The following UIMC1 variants were observed in gnomAD, a reference collection of about 807,000 sequenced individuals.
The protein encoded by UIMC1 is ubiquitin interaction motif containing 1.
In UIMC1, 42 loss-of-function variants were observed where a neutral mutation model predicts 84.9. That is an observed-to-expected ratio of 0.49 (90% CI 0.39 to 0.64). UIMC1 has a LOEUF of 0.64. UIMC1 is among the 30% of genes least tolerant of loss of function. UIMC1 has a pLI of 0.00. For synonymous variants in UIMC1, 281 were observed against 293.0 expected (o/e 0.96, Z 0.42); for missense variants, 825 against 847.6 (o/e 0.97, Z 0.33).
chr5:176,981,435 T>C (rs1416460318), intron 2 of UIMC1, among the ~76,000 whole-genome samples: 1 of 152,102 alleles, frequency 6.6e-6, no homozygotes, highest in Admixed American at 6.6e-5. Flanking sequence ...TGAGCTGCCG[T>C]GCCCGGCCAA....
Position 176,908,663 on chromosome 5 carries a change from C to T in UIMC1, c.1708G>A (p.Val570Ile). ...NEKCYLCKSL[V>I]PFREYQCHVD... is the part of the protein sequence containing the mutation. ...TGACACTGATACTCTCTAAATGGGACCAGGGATTTACAGAGGTAACACTTC... is the reference window on the plus strand; with the variant it reads ...TGACACTGATACTCTCTAAATGGGATCAGGGATTTACAGAGGTAACACTTC... Residue 570 changes from valine (V) to isoleucine (I), a missense_variant, in exon 12 of 15, where the codon GTC (valine) becomes ATC (isoleucine). Coordinates refer to ENST00000511320, the MANE Select transcript of UIMC1 (RefSeq NM_001199298.2). 6.2e-7 allele frequency: 1 copy of T among 1,613,834 alleles called. No homozygotes were observed. The highest frequency in any genetic ancestry group is 8.5e-7 in the Non-Finnish European group (1 of 1,179,854).
chr5:176,905,997 A>G lies in UIMC1; in HGVS notation c.1949+14T>C. On this transcript the variant is annotated intron_variant, in intron 14 of 14. Transcript: ENST00000511320. ...AATGCTGACAGCCACAATTCAGTGCACAATCCAATTCACCTGAAGGCTCCT... is the reference window on the plus strand; with the variant it reads ...AATGCTGACAGCCACAATTCAGTGCGCAATCCAATTCACCTGAAGGCTCCT... 2.5e-6 allele frequency: 4 copies of G among 1,614,118 alleles called. No homozygotes were observed. Among genetic ancestry groups the G allele is most frequent in the Non-Finnish European group, 3.4e-6 (4 of 1,179,960 alleles).
chr5:176,942,810 T>C (rs1764606832), intron 10 of UIMC1, among the ~76,000 whole-genome samples: 1 of 149,494 alleles, frequency 6.7e-6, no homozygotes, highest in Non-Finnish European at 1.5e-5. Context: ...ATCTCAGCAC[T>C]TTGGGAGGCC....
chr5:176,988,136 A>G lies in UIMC1; in HGVS notation c.-8-5513T>C, dbSNP rs562890611. Among the ~76,000 whole-genome samples the G allele has an allele frequency of 5.3e-5, 8 of 151,644 alleles. No homozygotes were observed. The South Asian group carries it at 1.7e-3, about 31-fold the overall frequency. The stretch of plus-strand genomic sequence containing the variant: ...GACAGACTACGCCCCTGTCCAAAAA[A>G]AAAAAAAAAAAAAAACTCAAATCAT... On this transcript the variant is annotated intron_variant, in intron 1 of 14. Transcript: ENST00000511320.
exon 1 of UIMC1, chr5:177,022,568 C>T (rs1006149190): frequency 4.6e-6 from 3 of 647,706 alleles, no homozygotes; most frequent in Admixed American, 3.7e-5. Context: ...ACGGCACACG[C>T]TCTGAGGTAC....
At chr5:176,951,715 TTTCTTC>T (rs1765907353) in intron 8 of UIMC1, 138 bp from the exon 9 acceptor site, 1 of 569,204 alleles carries the variant, frequency 1.8e-6, no homozygotes, top group South Asian at 3.4e-5. Context: ...ATCTAGTTTG[TTTCTTC>T]TTAAAGCTTT....
In UIMC1 at chr5:176,969,225, T is replaced by C. The variant is rs770266578; in HGVS notation, c.530A>G (p.Glu177Gly). 1.2e-6 allele frequency: 2 copies of C among 1,614,106 alleles called. No homozygotes were observed. The highest frequency in any genetic ancestry group is 1.1e-5 in the South Asian group (1 of 91,088). The change falls in exon 6 of 15, where the codon GAG becomes GGG. Residue 177 changes from glutamate (E) to glycine (G), a missense_variant. Transcript: ENST00000511320. ...GTGGTCCCAAGGCTCCTCTCTTTCCTCAGCCTCGTTTCCCTGACTGATATG... is the reference window on the plus strand; with the variant it reads ...GTGGTCCCAAGGCTCCTCTCTTTCCCCAGCCTCGTTTCCCTGACTGATATG... ...GSHISQGNEA[E>G]EREEPWDHTE... is the part of the protein sequence containing the mutation.
rs1365625395 is a variant in UIMC1, at chr5:176,970,552, A to G, written c.357+190T>C. On this transcript the variant is annotated intron_variant, in intron 4 of 14. Coordinates refer to ENST00000511320, the MANE Select transcript of UIMC1 (RefSeq NM_001199298.2). The stretch of plus-strand genomic sequence containing the variant: ...GGTGGAAGAAAACTCTTTCATATAG[A>G]ATTAACAAAATACTTTAAATTGGGT... 6.1e-6 allele frequency: 5 copies of G among 825,798 alleles called. No individual in the cohort carries two copies. The East Asian group carries it at 1.1e-4, about 18-fold the overall frequency. The allele number at this position is 825,798 out of a possible 1,614,324, so 51.2% of individuals were successfully genotyped here.
chr5:176,995,225 A>AGACAAC (rs1773429877), intron 1 of UIMC1, among the ~76,000 whole-genome samples: 1 of 152,116 alleles, frequency 6.6e-6, no homozygotes, highest in South Asian at 2.1e-4. Flanking sequence ...CAAACACCAA[A>AGACAAC]GACAACCCAG....
intron 10 of UIMC1, among the ~76,000 whole-genome samples, chr5:176,934,739 G>A (rs1041918877): frequency 5.9e-5 from 9 of 152,166 alleles, no homozygotes; most frequent in African/African-American, 1.9e-4. Context: ...TGACTACACC[G>A]TAAGTGGACA....
intron 1 of UIMC1, among the ~76,000 whole-genome samples, chr5:177,011,967 A>C (rs1045647014): frequency 7.2e-5 from 11 of 151,858 alleles, no homozygotes; most frequent in African/African-American, 2.7e-4. Context: ...CGCCCAGCTA[A>C]TTTTTTGTAT....
At chr5:176,907,649 T>G (rs1181797050) in intron 12 of UIMC1, among the ~76,000 whole-genome samples, 2 of 152,228 alleles carry the variant, frequency 1.3e-5, no homozygotes, top group Non-Finnish European at 2.9e-5. Context: ...CAAGACTTGC[T>G]CTTCCTGATC....
intron 2 of UIMC1, among the ~76,000 whole-genome samples, chr5:176,979,810 A>C (rs2149499782): frequency 6.6e-6 from 1 of 152,262 alleles, no homozygotes; most frequent in East Asian, 1.9e-4. Flanking sequence ...TATAATGGTT[A>C]ATTTTAGTAT....
At chr5:176,910,672 T>C (rs1003059666) in intron 11 of UIMC1, among the ~76,000 whole-genome samples, 11 of 152,070 alleles carry the variant, frequency 7.2e-5, no homozygotes, top group South Asian at 2.1e-4. Flanking sequence ...CAAATACCAA[T>C]AAGCAAATTA....
In UIMC1 at chr5:176,968,291, G is replaced by C. The variant is rs556991595; in HGVS notation, c.1200+264C>G. ...GAAGGCTGAGGCAGGAGAACTGCTTGAACCCGGGAGGTGGAGATTGCAGTG... is the reference window on the plus strand; with the variant it reads ...GAAGGCTGAGGCAGGAGAACTGCTTCAACCCGGGAGGTGGAGATTGCAGTG... On this transcript the variant is annotated intron_variant, in intron 6 of 14. Coordinates refer to ENST00000511320, the MANE Select transcript of UIMC1 (RefSeq NM_001199298.2). Among the ~76,000 whole-genome samples, 7 of 151,866 alleles carry C rather than the reference G, an allele frequency of 4.6e-5. No homozygotes were observed. In the South Asian group the frequency reaches 1.5e-3, roughly 32 times the overall value.
intron 2 of UIMC1, among the ~76,000 whole-genome samples, chr5:176,978,865 C>T (rs1409210283): frequency 2.0e-5 from 3 of 151,984 alleles, no homozygotes; most frequent in Non-Finnish European, 2.9e-5. Context: ...AACATAAAAA[C>T]GGAAATATGA....
At chr5:176,944,943 A>G (rs1161691632) in intron 9 of UIMC1, among the ~76,000 whole-genome samples, 1 of 152,240 alleles carries the variant, frequency 6.6e-6, no homozygotes, top group Non-Finnish European at 1.5e-5. Context: ...GCCGCTGGAC[A>G]GAAGTATCAC....
At chr5:176,949,874 G>T (rs1297030056) in intron 9 of UIMC1, among the ~76,000 whole-genome samples, 1 of 151,976 alleles carries the variant, frequency 6.6e-6, no homozygotes, top group Non-Finnish European at 1.5e-5. Context: ...GGCCATCAGG[G>T]TAAAATCCCA....
At chr5:176,949,002 T>TA (rs35858061) in intron 9 of UIMC1, among the ~76,000 whole-genome samples, 41,163 of 151,992 alleles carry the variant, frequency 0.27, 5,631 homozygotes, top group Middle Eastern at 0.35. Flanking sequence ...AACTTTTTTT[T>TA]AAAATATTTT....
Sources: gnomAD v4.1 joint callset for allele counts (sites outside exome capture counted in the v4.1 genomes callset) on GRCh38, gnomAD v4.1.1 for gene constraint, MANE v1.5 for transcripts, NCBI Gene and HGNC (gene_info 2026-07-23, HGNC 2026-07-21) for gene names.